Variants in PTPN14 observed in about 807,000 individuals in gnomAD.
PTPN14 encodes protein tyrosine phosphatase non-receptor type 14, also known as tyrosine-protein phosphatase non-receptor type 14.
A neutral mutation model predicts 126.8 loss-of-function variants in PTPN14; 53 were observed. That is an observed-to-expected ratio of 0.42 (90% CI 0.34 to 0.53). The LOEUF is 0.53. PTPN14 is among the 20% of genes least tolerant of loss of function. PTPN14 has a pLI of 0.08. For synonymous variants in PTPN14, 630 were observed against 599.3 expected (o/e 1.05, Z -0.75); for missense variants, 1,257 against 1,552.9 (o/e 0.81, Z 3.20).
chr1:214,464,753 G>T lies in PTPN14; in HGVS notation c.51C>A (p.Ser17Arg). 1.9e-6 allele frequency: 3 copies of T among 1,614,290 alleles called. No homozygotes were observed. The highest frequency in any genetic ancestry group is 2.5e-6 in the Non-Finnish European group (3 of 1,180,058). ...GAATCCGTGTGACAAAGCAGTTCTT[G>T]CTCAGGACGTTGTAGCGCCGTGTCC... ...LRRTRRYNVL[S>R]KNCFVTRIRL... is the part of the protein sequence containing the mutation. Residue 17 changes from serine to arginine, a missense_variant, in exon 2 of 19, where the codon AGC (serine) becomes AGA (arginine). Ser to Arg is a moderately radical substitution (Grantham distance 110, BLOSUM62 -1). This residue lies in a region of PTPN14 where 1,021 missense variants were observed against 1,183.3 expected (regional missense o/e 0.86). Transcript: ENST00000366956.
intron 1 of PTPN14, among the ~76,000 whole-genome samples, chr1:214,504,816 C>T (rs1654792898): frequency 6.6e-6 from 1 of 152,028 alleles, no homozygotes; most frequent in Admixed American, 6.6e-5. Flanking sequence ...ACTGAATCTG[C>T]AGACAAGTAG....
At chr1:214,402,735 C>CG in intron 6 of PTPN14, 148 bp downstream of exon 6, 1 of 671,724 alleles carries the variant, frequency 1.5e-6, no homozygotes, top group Non-Finnish European at 2.3e-6. Flanking sequence ...TTTTGCAGAA[C>CG]GGAAGTACAG....
intron 18 of PTPN14, among the ~76,000 whole-genome samples, chr1:214,363,995 G>GT (rs1197348431): frequency 6.6e-6 from 1 of 152,142 alleles, no homozygotes; most frequent in Non-Finnish European, 1.5e-5. Context: ...CGTGCTCAAA[G>GT]TATCTACTCT....
At chr1:214,466,993 T>C (rs887516999) in intron 1 of PTPN14, among the ~76,000 whole-genome samples, 15 of 152,202 alleles carry the variant, frequency 9.9e-5, no homozygotes, top group Non-Finnish European at 1.9e-4. Flanking sequence ...CGTGGGCACA[T>C]TCCTTAACAT....
chr1:214,505,428 C>CA (rs1654816401), intron 1 of PTPN14, among the ~76,000 whole-genome samples: 1 of 152,088 alleles, frequency 6.6e-6, no homozygotes, highest in Non-Finnish European at 1.5e-5. Context: ...TCACCATGGC[C>CA]AACAGGAGAT....
chr1:214,417,031 A>C (rs1659442819), intron 3 of PTPN14, among the ~76,000 whole-genome samples: 1 of 151,972 alleles, frequency 6.6e-6, no homozygotes, highest in African/African-American at 2.4e-5. Context: ...AAAAAAAAAA[A>C]CAACAATTTT....
At chr1:214,407,495 CA>C (rs200725524) in intron 5 of PTPN14, among the ~76,000 whole-genome samples, 2,261 of 108,634 alleles carry the variant, frequency 0.021, 23 homozygotes, top group Admixed American at 0.047. Flanking sequence ...AACTCTGTCT[CA>C]AAAAAAAAAA....
Position 214,376,243 on chromosome 1 carries a change from T to C in PTPN14, c.2883A>G (p.Gly961=). Residue 961 remains glycine, a synonymous_variant, in exon 15 of 19, where the codon GGA becomes GGG. Coordinates refer to ENST00000366956, the MANE Select transcript of PTPN14 (RefSeq NM_005401.5). ...ELIPTKENNT[G]YINASHIKVV... ...CCTTGATGTGGGAGGCATTAATGTA[T>C]CCTGTGTTATTTTCTTTGGTTGGTA... 1.2e-6 allele frequency: 2 copies of C among 1,614,110 alleles called. No individual in the cohort carries two copies. Among genetic ancestry groups the C allele is most frequent in the Non-Finnish European group, 1.7e-6 (2 of 1,179,942 alleles).
chr1:214,395,458 G>C (rs904513053), intron 8 of PTPN14, among the ~76,000 whole-genome samples: 5 of 152,094 alleles, frequency 3.3e-5, no homozygotes, highest in African/African-American at 1.2e-4. Flanking sequence ...TGTTGAAGCA[G>C]GAATGACAAG....
At chr1:214,425,560 A>G (rs922689909) in intron 3 of PTPN14, among the ~76,000 whole-genome samples, 3 of 152,198 alleles carry the variant, frequency 2.0e-5, no homozygotes, top group Admixed American at 6.5e-5. Context: ...CTTACTATGC[A>G]TTCACATTAA....
At chr1:214,510,045 T>C (rs950535789) in intron 1 of PTPN14, among the ~76,000 whole-genome samples, 11 of 152,210 alleles carry the variant, frequency 7.2e-5, no homozygotes, top group Non-Finnish European at 1.6e-4. Context: ...TAATCATTTC[T>C]AGATGTTGCT....
rs1218269198 is a variant in PTPN14 at position 214,551,285 on chromosome 1, G to A, written c.-257C>T. The A allele has an allele frequency of 2.0e-5, 3 of 152,450 alleles. No individual in the cohort carries two copies. The highest frequency in any genetic ancestry group is 6.5e-5 in the Admixed American group (1 of 15,294). The allele number at this position is 152,450 out of a possible 1,614,324, so 9.4% of individuals were successfully genotyped here. A position where few individuals can be genotyped will look rare whatever the true frequency, so the allele number is the denominator to read the frequency against. The stretch of plus-strand genomic sequence containing the variant: ...ACGGAATTGATTCCAGTGACTGGCG[G>A]AGGAGGGGCGAAGGGAAGGAGCCGC... On this transcript the variant is annotated 5_prime_UTR_variant, in exon 1 of 19. Transcript: ENST00000366956.
Position 214,373,203 on chromosome 1 carries a change from C to T in PTPN14, c.2908-364G>A, listed in dbSNP as rs565642698. Among the ~76,000 whole-genome samples the T allele has an allele frequency of 1.1e-4, 16 of 152,176 alleles. No individual in the cohort carries two copies. In the East Asian group the frequency reaches 2.3e-3, roughly 22 times the overall value. On this transcript the variant is annotated intron_variant, in intron 15 of 18. Coordinates refer to ENST00000366956, the MANE Select transcript of PTPN14 (RefSeq NM_005401.5). ...CCAAGGAGCTGGGATTACAGGCACTCGCCATCATGCCCGGCTAATTTTTGT... is the reference window on the plus strand; with the variant it reads ...CCAAGGAGCTGGGATTACAGGCACTTGCCATCATGCCCGGCTAATTTTTGT...
At chr1:214,474,421 CAA>C (rs1047474849) in intron 1 of PTPN14, among the ~76,000 whole-genome samples, 4 of 152,056 alleles carry the variant, frequency 2.6e-5, no homozygotes, top group African/African-American at 4.8e-5. Flanking sequence ...TAACAGATTT[CAA>C]AGAGACAAGG....
intron 1 of PTPN14, chr1:214,530,994 T>C (rs1441864611): frequency 2.6e-5 from 4 of 152,076 alleles, no homozygotes; most frequent in African/African-American, 9.7e-5. Context: ...TCCTAAAAAA[T>C]CAAAACTTCA....
Position 214,364,448 on chromosome 1 carries a change from T to G in PTPN14, c.3435+64A>C. On this transcript the variant is annotated intron_variant, in intron 18 of 18. Transcript: ENST00000366956. The surrounding 1 kb of genome is among the most constrained non-coding windows in gnomAD (Gnocchi z 4.1). The stretch of plus-strand genomic sequence containing the variant: ...GAAAATGCAAGGGTGCAGGCAAAGG[T>G]TTGGCCAGGGTGTAGACTTGTCCCC... 1.3e-6 allele frequency: 2 copies of G among 1,551,248 alleles called. No homozygotes were observed. Among genetic ancestry groups the G allele is most frequent in the Non-Finnish European group, 1.7e-6 (2 of 1,144,444 alleles).
intron 7 of PTPN14, among the ~76,000 whole-genome samples, chr1:214,400,021 C>T (rs1472055062): frequency 7.3e-6 from 1 of 137,100 alleles, no homozygotes; most frequent in Non-Finnish European, 1.5e-5. Context: ...TCTTCCTGTA[C>T]AACATCTGCA....
At chr1:214,388,259 C>T (rs1658667779) in intron 11 of PTPN14, among the ~76,000 whole-genome samples, 1 of 152,188 alleles carries the variant, frequency 6.6e-6, no homozygotes, top group Non-Finnish European at 1.5e-5. Flanking sequence ...TCTTCCCCTA[C>T]CTCAAGCATT....
chr1:214,497,985 T>C (rs150463124), intron 1 of PTPN14, among the ~76,000 whole-genome samples: 4 of 152,296 alleles, frequency 2.6e-5, no homozygotes, highest in South Asian at 2.1e-4. Context: ...TCATAGCTGA[T>C]AGGGTTCTGG....
Sources: allele counts gnomAD v4.1 joint callset (sites outside exome capture counted in the v4.1 genomes callset), GRCh38; gene constraint gnomAD v4.1.1; regional missense constraint gnomAD v4.1.1; non-coding constraint Gnocchi (gnomAD v3.1); transcripts MANE v1.5; gene names NCBI Gene and HGNC (gene_info 2026-07-23, HGNC 2026-07-21).